The following ZNF626 variants were observed in gnomAD, a reference collection of about 807,000 sequenced individuals.
The protein encoded by ZNF626 is zinc finger protein 626, also known as CTC-513N18.7.
ZNF626 carries 4 observed loss-of-function variants against 11.7 expected under a neutral mutation model. The ratio of observed to expected loss-of-function variants is 0.34; its 90% CI spans 0.17 to 0.78. The LOEUF is 0.78. Among genes scored for constraint, ZNF626 ranks in the 30% least tolerant of loss-of-function variants. ZNF626 has a pLI of 0.57. For missense variants in ZNF626, 588 were observed against 587.1 expected, an observed-to-expected ratio of 1.00 and a Z score of -0.01; for synonymous variants, 179 against 198.6, an observed-to-expected ratio of 0.90 and a Z score of 0.83.
At chr19:20,629,305 C>T (rs1337704429) in intron 3 of ZNF626, among the ~76,000 whole-genome samples, 7 of 152,082 alleles carry the variant, frequency 4.6e-5, no homozygotes, top group Non-Finnish European at 8.8e-5. Context: ...GTAGTTTTTT[C>T]CAATTCTGTG....
At chr19:20,639,097 T>C (rs1288377426) in intron 3 of ZNF626, among the ~76,000 whole-genome samples, 1 of 152,146 alleles carries the variant, frequency 6.6e-6, no homozygotes, top group East Asian at 1.9e-4. Context: ...ATGTATTATA[T>C]GGTAAGAGAC....
chr19:20,648,862 C>A (rs1970114568), intron 1 of ZNF626, among the ~76,000 whole-genome samples: 2 of 152,156 alleles, frequency 1.3e-5, no homozygotes, highest in Admixed American at 6.5e-5. Flanking sequence ...TAAATTCTTG[C>A]TGAGAATTCT....
intron 3 of ZNF626, among the ~76,000 whole-genome samples, chr19:20,640,688 C>T (rs1970015141): frequency 6.7e-6 from 1 of 149,768 alleles, no homozygotes; most frequent in Non-Finnish European, 1.5e-5. Context: ...CAAACAAAAT[C>T]ACCTCACACA....
At chr19:20,658,321 C>T (rs7251423) in intron 1 of ZNF626, among the ~76,000 whole-genome samples, 16,685 of 152,004 alleles carry the variant, frequency 0.11, 2,695 homozygotes, top group African/African-American at 0.36. Flanking sequence ...TGGGGATATG[C>T]CAGGAGACCT....
rs201065845 is a variant in ZNF626 at position 20,625,224 on chromosome 19, C to T, written c.653G>A (p.Arg218Lys). The T allele has an allele frequency of 2.5e-6, 4 of 1,608,244 alleles. No homozygotes were observed. The highest frequency in any genetic ancestry group is 2.7e-5 in the African/African-American group (2 of 72,830). ...CTCTCCAGTATGAATTTTCTTATGT[C>T]TAGTAAGGCTACAAGAGTGGTTAAA... ...KAFNHSCSLT[R>K]HKKIHTGEKP... The change falls in exon 4 of 4, where the codon AGA (arginine) becomes AAA (lysine). Residue 218 changes from arginine to lysine, a missense_variant. Physicochemically the swap from Arg to Lys is conservative, Grantham distance 26. Around this residue, in one of 4 missense-constraint regions of ZNF626, gnomAD observed 524 missense variants for 470.1 expected, o/e 1.11. Transcript: ENST00000601440.
At chr19:20,657,244 T>C (rs1219871335) in intron 1 of ZNF626, among the ~76,000 whole-genome samples, 1 of 152,064 alleles carries the variant, frequency 6.6e-6, no homozygotes, top group Admixed American at 6.6e-5. Flanking sequence ...GGCATGGTAA[T>C]GCATACGTGT....
chr19:20,661,515 A>G lies in ZNF626; in HGVS notation c.-69T>C. Reference sequence around the variant, plus strand: ...CAATACCTGCAGGACACGGGGCCACACAGCCTGGGCCTTTAGGAGAAGAAC... The same window carrying G: ...CAATACCTGCAGGACACGGGGCCACGCAGCCTGGGCCTTTAGGAGAAGAAC... On this transcript the variant is annotated 5_prime_UTR_variant, in exon 1 of 4. Coordinates refer to ENST00000601440, the MANE Select transcript of ZNF626 (RefSeq NM_001076675.3). The G allele has an allele frequency of 3.8e-6, 6 of 1,568,590 alleles. No individual in the cohort carries two copies. The South Asian group carries it at 4.5e-5, about 12-fold the overall frequency.
intron 3 of ZNF626, among the ~76,000 whole-genome samples, chr19:20,627,961 G>GA: frequency 6.6e-6 from 1 of 152,282 alleles, no homozygotes; most frequent in South Asian, 2.1e-4. Context: ...CCCGGTGTGT[G>GA]ATGTTTCCCT....
intron 3 of ZNF626, among the ~76,000 whole-genome samples, chr19:20,628,251 T>C (rs558137607): frequency 1.8e-3 from 267 of 152,344 alleles, no homozygotes; most frequent in Middle Eastern, 3.4e-3. Context: ...CATGTCCATG[T>C]GTCTTTATAG....
At chr19:20,630,347 A>G (rs1198046669) in intron 3 of ZNF626, among the ~76,000 whole-genome samples, 1 of 152,306 alleles carries the variant, frequency 6.6e-6, no homozygotes, top group African/African-American at 2.4e-5. Context: ...TAGTTTCAGA[A>G]GGAATGGTAC....
intron 1 of ZNF626, among the ~76,000 whole-genome samples, chr19:20,657,033 G>A (rs1453232563): frequency 3.9e-5 from 6 of 152,146 alleles, no homozygotes; most frequent in Admixed American, 6.6e-5. Context: ...TAGCAAAGAC[G>A]TAGACAGGCC....
intron 3 of ZNF626, among the ~76,000 whole-genome samples, chr19:20,627,689 T>G (rs1969854737): frequency 6.6e-6 from 1 of 152,158 alleles, no homozygotes; most frequent in East Asian, 1.9e-4. Context: ...AGAGTCAACT[T>G]GCCTTTCTAC....
At chr19:20,653,775 T>A (rs1432379985) in intron 1 of ZNF626, among the ~76,000 whole-genome samples, 1 of 152,156 alleles carries the variant, frequency 6.6e-6, no homozygotes, top group African/African-American at 2.4e-5. Context: ...GGGTCTATAT[T>A]GAAATACATC....
At chr19:20,633,225 G>T (rs1969928143) in intron 3 of ZNF626, among the ~76,000 whole-genome samples, 1 of 152,188 alleles carries the variant, frequency 6.6e-6, no homozygotes, top group South Asian at 2.1e-4. Context: ...TAGGCTACTT[G>T]GGGGTCAGGG....
intron 1 of ZNF626, among the ~76,000 whole-genome samples, chr19:20,660,035 G>A (rs564261870): frequency 2.0e-5 from 3 of 152,006 alleles, no homozygotes; most frequent in Non-Finnish European, 2.9e-5. Flanking sequence ...TTGGGAGGCC[G>A]AAGCGGGTCT....
intron 3 of ZNF626, among the ~76,000 whole-genome samples, chr19:20,635,453 G>A (rs1969955919): frequency 6.6e-6 from 1 of 152,088 alleles, no homozygotes. Flanking sequence ...CTTCTCAGTA[G>A]CTGGAATTAC....
intron 3 of ZNF626, chr19:20,644,654 T>A (rs1568459826): frequency 6.6e-6 from 1 of 152,270 alleles, no homozygotes; most frequent in African/African-American, 2.4e-5. Flanking sequence ...GCACTGGAAG[T>A]ATGGGCAGAA....
At chr19:20,630,759 GT>G (rs782135391) in intron 3 of ZNF626, among the ~76,000 whole-genome samples, 1 of 149,992 alleles carries the variant, frequency 6.7e-6, no homozygotes, top group South Asian at 2.1e-4. Flanking sequence ...TTTTTGAAGG[GT>G]TTTTTGTGTC....
intron 1 of ZNF626, among the ~76,000 whole-genome samples, chr19:20,648,510 G>C (rs535102085): frequency 1.3e-5 from 2 of 152,028 alleles, no homozygotes; most frequent in Non-Finnish European, 2.9e-5. Flanking sequence ...CCAAGTAGCT[G>C]GGACTACAGG....
Sources: allele counts gnomAD v4.1 joint callset (sites outside exome capture counted in the v4.1 genomes callset), GRCh38; gene constraint gnomAD v4.1.1; regional missense constraint gnomAD v4.1.1; transcripts MANE v1.5; gene names NCBI Gene and HGNC (gene_info 2026-07-23, HGNC 2026-07-21).